Variants in USP10 observed in about 807,000 individuals in gnomAD.
The protein encoded by USP10 is ubiquitin carboxyl-terminal hydrolase 10.
In USP10, 22 loss-of-function variants were observed where a neutral mutation model predicts 84.5. The ratio of observed to expected loss-of-function variants is 0.26; its 90% CI spans 0.19 to 0.37. USP10 has a LOEUF of 0.37. Ranked by LOEUF, USP10 falls within the 10% of genes least tolerant of loss-of-function variation. The pLI, the probability that USP10 is intolerant of heterozygous loss-of-function variation, is 1.00. For synonymous variants in USP10, 454 were observed against 387.6 expected, an observed-to-expected ratio of 1.17 and a Z score of -2.01; for missense variants, 1,019 against 998.9, an observed-to-expected ratio of 1.02 and a Z score of -0.27.
At chr16:84,717,813 G>T (rs1325257131) in intron 1 of USP10, among the ~76,000 whole-genome samples, 2 of 152,172 alleles carry the variant, frequency 1.3e-5, no homozygotes, top group Non-Finnish European at 2.9e-5. Context: ...GTCCTCAGGT[G>T]TATGTGATTT....
chr16:84,764,162 G>T lies in USP10; in HGVS notation c.1731G>T (p.Glu577Asp). The change falls in exon 10 of 14, where the codon GAG (glutamate) becomes GAT (aspartate). Residue 577 changes from glutamate (E) to aspartate (D), a missense_variant. By Grantham distance (45) the Glu-to-Asp change is conservative. Transcript: ENST00000219473. ...AGGAAGAACAAGGTGAAGGAAGCGAGGATGAATGGGAACAAGTGGGCCCCC... is the reference window on the plus strand; with the variant it reads ...AGGAAGAACAAGGTGAAGGAAGCGATGATGAATGGGAACAAGTGGGCCCCC... Reference protein sequence around the residue: ...EEQEEQGEGSEDEWEQVGPRN... With the variant: ...EEQEEQGEGSDDEWEQVGPRN... The T allele has an allele frequency of 1.9e-6, 3 of 1,613,980 alleles. No homozygotes were observed. Among genetic ancestry groups the T allele is most frequent in the Non-Finnish European group, 2.5e-6 (3 of 1,179,860 alleles).
At chr16:84,727,452 C>G (rs1221177040) in intron 1 of USP10, among the ~76,000 whole-genome samples, 1 of 145,120 alleles carries the variant, frequency 6.9e-6, no homozygotes, top group African/African-American at 2.5e-5. Context: ...TCAGTGTTAG[C>G]TTTAAAAAAA....
chr16:84,703,439 A>G (rs969327579), intron 1 of USP10, among the ~76,000 whole-genome samples: 4 of 152,196 alleles, frequency 2.6e-5, no homozygotes, highest in Admixed American at 2.0e-4. Context: ...GTAATAGCAG[A>G]TCCTCCACAT....
intron 1 of USP10, chr16:84,709,214 A>G (rs1446358166): frequency 6.6e-6 from 1 of 152,230 alleles, no homozygotes; most frequent in Non-Finnish European, 1.5e-5. Flanking sequence ...ACGTCACTCC[A>G]AACTGAGAGA....
At chr16:84,744,271 A>G (rs1204088443) in intron 3 of USP10, among the ~76,000 whole-genome samples, 1 of 152,190 alleles carries the variant, frequency 6.6e-6, no homozygotes, top group South Asian at 2.1e-4. Flanking sequence ...TCCAAAATAC[A>G]TATTCCTTTA....
At chr16:84,746,895 A>C (rs1456437751) in intron 4 of USP10, among the ~76,000 whole-genome samples, 1 of 152,248 alleles carries the variant, frequency 6.6e-6, no homozygotes, top group Non-Finnish European at 1.5e-5. Flanking sequence ...CACTACAGCT[A>C]TACAAAAATA....
In USP10 at chr16:84,745,482, T is replaced by A. The variant is rs766417243; in HGVS notation, c.1001T>A (p.Leu334His). 5 of 1,613,488 alleles carry A rather than the reference T, an allele frequency of 3.1e-6. No homozygotes were observed. Among genetic ancestry groups the A allele is most frequent in the Non-Finnish European group, 1.7e-6 (2 of 1,179,638 alleles). ...ADGTGSASGT[L>H]PVSQPKSWAS... is the part of the protein sequence containing the mutation. ...GGCACGGGCTCTGCATCAGGCACCC[T>A]TCCTGTCAGCCAGCCCAAGTCCTGG... is the stretch of plus-strand genomic sequence containing the variant. The change falls in exon 4 of 14, where the codon CTT becomes CAT. Residue 334 changes from leucine (L) to histidine (H), a missense_variant. By Grantham distance (99) the Leu-to-His change is moderately conservative. This residue lies in a region of USP10 where 787 missense variants were observed against 708.8 expected (regional missense o/e 1.11). Coordinates refer to ENST00000219473, the MANE Select transcript of USP10 (RefSeq NM_005153.3).
At chr16:84,724,070 C>T (rs942277944) in intron 1 of USP10, among the ~76,000 whole-genome samples, 7 of 152,162 alleles carry the variant, frequency 4.6e-5, no homozygotes, top group Non-Finnish European at 1.0e-4. Context: ...AATTTACTCC[C>T]TAATTTATCT....
rs529149920 is a variant in USP10 at position 84,776,239 on chromosome 16, G to A, written c.2209+1014G>A. 2.4e-4 allele frequency among the ~76,000 whole-genome samples: 36 copies of A among 152,118 alleles called. 1 individual carries two copies. The highest frequency in any genetic ancestry group is 7.5e-4 in the African/African-American group (31 of 41,414). On this transcript the variant is annotated intron_variant, in intron 13 of 13. Transcript: ENST00000219473. ...CAAGCTCCTGTCCACCTCAGCTCAC[G>A]CCCGATGTTTTAGGAAGTTTGGCGA...
intron 1 of USP10, 181 bp from the exon 2 acceptor site, chr16:84,733,254 A>G: frequency 1.6e-6 from 1 of 609,802 alleles, no homozygotes; most frequent in Non-Finnish European, 2.9e-6. Flanking sequence ...AAGGTTCAGT[A>G]GTATTTCTTT....
At position 84,745,450 on chromosome 16, in the gene USP10, T is replaced by G. The variant is rs1911111427; in HGVS notation, c.969T>G (p.Pro323=). 1 of 1,613,666 alleles carries G rather than the reference T, an allele frequency of 6.2e-7. No homozygotes were observed. The highest frequency in any genetic ancestry group is 8.5e-7 in the Non-Finnish European group (1 of 1,179,716). Residue 323 remains proline, a synonymous_variant, in exon 4 of 14, where the codon CCT becomes CCG. Transcript: ENST00000219473. The stretch of plus-strand genomic sequence containing the variant: ...CCAAACCCGAGAGTGCATCACCTCC[T>G]GCTGACGGCACGGGCTCTGCATCAG... ...DPTKPESASP[P]ADGTGSASGT...
chr16:84,762,253 A>C (rs1227689839), intron 8 of USP10, among the ~76,000 whole-genome samples: 5 of 152,276 alleles, frequency 3.3e-5, no homozygotes, highest in Admixed American at 1.3e-4. Context: ...AAAGACAGAC[A>C]GAAGCAGACA....
chr16:84,719,839 T>G (rs1045536334), intron 1 of USP10, among the ~76,000 whole-genome samples: 1 of 152,252 alleles, frequency 6.6e-6, no homozygotes, highest in African/African-American at 2.4e-5. Context: ...TTTAAATCTT[T>G]GGAGGGCATG....
intron 3 of USP10, among the ~76,000 whole-genome samples, chr16:84,742,631 G>A (rs1409145116): frequency 6.6e-6 from 1 of 152,184 alleles, no homozygotes; most frequent in Non-Finnish European, 1.5e-5. Context: ...TATTGATTGG[G>A]TTGTTGAAGC....
chr16:84,729,886 C>T (rs1908986376), intron 1 of USP10, among the ~76,000 whole-genome samples: 1 of 152,090 alleles, frequency 6.6e-6, no homozygotes, highest in South Asian at 2.1e-4. Flanking sequence ...TCAGCAGTTA[C>T]TTATGGTGTA....
chr16:84,758,607 T>G, intron 4 of USP10, 109 bp from the exon 5 acceptor site: 2 of 772,458 alleles, frequency 2.6e-6, no homozygotes, highest in East Asian at 5.0e-5. Flanking sequence ...GGCTGTGTGT[T>G]TTACTGAAGG....
intron 8 of USP10, among the ~76,000 whole-genome samples, chr16:84,761,813 A>G (rs1359996808): frequency 6.6e-6 from 1 of 152,290 alleles, no homozygotes; most frequent in Non-Finnish European, 1.5e-5. Flanking sequence ...CCCAGACACC[A>G]GCCAAGGGGC....
intron 9 of USP10, 65 bp downstream of exon 9, chr16:84,763,153 C>A: frequency 1.0e-6 from 1 of 984,098 alleles, no homozygotes; most frequent in South Asian, 1.5e-5. Context: ...GTTGCATACT[C>A]ATATGTTATG....
rs10699847 is a variant in USP10 at position 84,720,576 on chromosome 16, A to ATTTTTTTTTTTT, written c.22-12847_22-12836dup. Reference sequence around the variant, plus strand: ...ATGCAGAATAAAAAGATGATGCCCAATTTTTTTTTTTTTTTTTTTTTTTGA... The same window carrying ATTTTTTTTTTTT: ...ATGCAGAATAAAAAGATGATGCCCAATTTTTTTTTTTTTTTTTTTTTTTTTTTTTTTTTTTGA... On this transcript the variant is annotated intron_variant, in intron 1 of 13. Transcript: ENST00000219473. Among the ~76,000 whole-genome samples, 418 of 88,340 alleles carry ATTTTTTTTTTTT rather than the reference A, an allele frequency of 4.7e-3. 31 individuals are homozygous for ATTTTTTTTTTTT. The highest frequency in any genetic ancestry group is 8.4e-3 in the East Asian group (17 of 2,034). 58.0% of individuals were successfully genotyped at this position (88,340 alleles called of 152,430 possible). A position where few individuals can be genotyped will look rare whatever the true frequency, so the allele number is the denominator to read the frequency against.
Sources: allele counts gnomAD v4.1 joint callset (sites outside exome capture counted in the v4.1 genomes callset), GRCh38; gene constraint gnomAD v4.1.1; regional missense constraint gnomAD v4.1.1; transcripts MANE v1.5; gene names NCBI Gene and HGNC (gene_info 2026-07-23, HGNC 2026-07-21).